The following FBXW4 variants were observed in gnomAD, a reference collection of about 807,000 sequenced individuals.
FBXW4 encodes the protein F-box/WD repeat-containing protein 4.
In FBXW4, 40 loss-of-function variants were observed where a neutral mutation model predicts 61.8. That is an observed-to-expected ratio of 0.65 (90% CI 0.50 to 0.84). FBXW4 has a LOEUF of 0.84. Among genes scored for constraint, FBXW4 ranks in the 40% least tolerant of loss-of-function variants. The pLI is 0.00. For missense variants in FBXW4, 672 were observed against 753.8 expected (o/e 0.89, Z 1.27); for synonymous variants, 311 against 313.8 (o/e 0.99, Z 0.10).
At chr10:101,656,819 A>G (rs997705856) in intron 5 of FBXW4, among the ~76,000 whole-genome samples, 2 of 152,152 alleles carry the variant, frequency 1.3e-5, no homozygotes, top group African/African-American at 2.4e-5. Flanking sequence ...TTAATATCCT[A>G]TAAGGTTCTC....
chr10:101,629,344 G>T (rs1005580272), intron 5 of FBXW4, among the ~76,000 whole-genome samples: 36 of 151,820 alleles, frequency 2.4e-4, no homozygotes, highest in African/African-American at 8.2e-4. Context: ...GAGTGCAGTG[G>T]TGCAATCTCA....
intron 5 of FBXW4, 63 bp downstream of exon 5, chr10:101,667,823 G>T: frequency 7.2e-7 from 1 of 1,382,598 alleles, no homozygotes; most frequent in Non-Finnish European, 1.0e-6. Context: ...TAGCTCACCT[G>T]ATCTAGTAAA....
In FBXW4 at chr10:101,694,228, G is replaced by A. The variant is rs377352364; in HGVS notation, c.725+153C>T. Among the ~76,000 whole-genome samples the A allele has an allele frequency of 1.2e-4, 19 of 152,316 alleles. No individual in the cohort carries two copies. Among genetic ancestry groups the A allele is most frequent in the Non-Finnish European group, 2.2e-4 (15 of 68,012 alleles). ...AGGAGGGGCAAAGGGGTCCCCGAGA[G>A]TGCTCGGGAAAGGGTGTAGGCGGAG... On this transcript the variant is annotated intron_variant, in intron 1 of 8. Transcript: ENST00000331272. The surrounding 1 kb of genome is among the most constrained non-coding windows in gnomAD (Gnocchi z 6.0).
At chr10:101,667,620 C>G (rs2064317891) in intron 5 of FBXW4, among the ~76,000 whole-genome samples, 1 of 152,144 alleles carries the variant, frequency 6.6e-6, no homozygotes, top group Non-Finnish European at 1.5e-5. Flanking sequence ...CAGCTGGACT[C>G]TTAGTTATAT....
At chr10:101,691,250 G>A (rs1417106834) in intron 1 of FBXW4, among the ~76,000 whole-genome samples, 2 of 152,258 alleles carry the variant, frequency 1.3e-5, no homozygotes, top group South Asian at 2.1e-4. Context: ...GTGGACTGGG[G>A]TGCATGCCTT....
At chr10:101,615,329 C>T (rs556737249) in intron 6 of FBXW4, among the ~76,000 whole-genome samples, 2 of 152,122 alleles carry the variant, frequency 1.3e-5, no homozygotes, top group African/African-American at 2.4e-5. Context: ...TTCCAACTCC[C>T]GTGGACAAAG....
At chr10:101,651,070 T>C (rs2064141645) in intron 5 of FBXW4, among the ~76,000 whole-genome samples, 1 of 152,180 alleles carries the variant, frequency 6.6e-6, no homozygotes, top group African/African-American at 2.4e-5. Flanking sequence ...GGACCATTAA[T>C]GCATGCGCCT....
intron 5 of FBXW4, among the ~76,000 whole-genome samples, chr10:101,656,300 C>G (rs1388264187): frequency 6.6e-6 from 1 of 152,102 alleles, no homozygotes; most frequent in Non-Finnish European, 1.5e-5. Context: ...GCCAGTATCC[C>G]CAAAGCATCC....
intron 5 of FBXW4, among the ~76,000 whole-genome samples, chr10:101,645,018 T>C (rs2064084219): frequency 6.6e-6 from 1 of 152,166 alleles, no homozygotes; most frequent in African/African-American, 2.4e-5. Context: ...TTGCTCGGCA[T>C]TGAGATCTAG....
At chr10:101,683,582 T>C (rs182999397) in intron 1 of FBXW4, among the ~76,000 whole-genome samples, 21 of 151,994 alleles carry the variant, frequency 1.4e-4, no homozygotes, top group African/African-American at 4.1e-4. Flanking sequence ...TCATTTCCCC[T>C]CTCCTTGCTC....
chr10:101,668,171 G>C (rs2064324893), intron 4 of FBXW4, among the ~76,000 whole-genome samples, 191 bp from the exon 5 acceptor site: 1 of 152,208 alleles, frequency 6.6e-6, no homozygotes, highest in African/African-American at 2.4e-5. Flanking sequence ...ATAGGCCCTA[G>C]CTCTCCATCC....
chr10:101,640,177 G>A (rs897231045), intron 5 of FBXW4, among the ~76,000 whole-genome samples: 1 of 152,194 alleles, frequency 6.6e-6, no homozygotes, highest in African/African-American at 2.4e-5. Context: ...ACTTCAGAAA[G>A]GAGATGAGGT....
chr10:101,667,007 G>A (rs372245303), intron 5 of FBXW4, among the ~76,000 whole-genome samples: 4 of 151,912 alleles, frequency 2.6e-5, no homozygotes, highest in East Asian at 1.9e-4. Flanking sequence ...CGAGGCAGGC[G>A]GATCACGAGG....
rs572854136 is a variant in FBXW4, at chr10:101,694,425, G to T, written c.681C>A (p.Ala227=). Residue 227 remains alanine, a synonymous_variant, in exon 1 of 9, where the codon GCC becomes GCA. Coordinates refer to ENST00000331272, the MANE Select transcript of FBXW4 (RefSeq NM_022039.4). The surrounding 1 kb of genome is among the most constrained non-coding windows in gnomAD (Gnocchi z 6.0). ...TGAAGCCGGAGTTGAGCGAGGCCCG[G>T]GCTATCCGGCGCCAGAGCAGATCGC... ...TSCDLLWRRI[A]RASLNSGFTR... is the part of the protein sequence containing the mutation. 14 of 1,526,464 alleles carry T rather than the reference G, an allele frequency of 9.2e-6. No individual in the cohort carries two copies. In the East Asian group the frequency reaches 3.8e-4, roughly 41 times the overall value. The allele number at this position is 1,526,464 out of a possible 1,614,324, so 94.6% of individuals were successfully genotyped here. A position where few individuals can be genotyped will look rare whatever the true frequency, so the allele number is the denominator to read the frequency against.
At chr10:101,688,187 GA>G (rs2064553175) in intron 1 of FBXW4, among the ~76,000 whole-genome samples, 1 of 152,232 alleles carries the variant, frequency 6.6e-6, no homozygotes, top group East Asian at 1.9e-4. Flanking sequence ...ACAAGGAATG[GA>G]AAGTCAACAG....
chr10:101,618,048 G>C (rs1463701160), intron 6 of FBXW4, among the ~76,000 whole-genome samples: 1 of 152,254 alleles, frequency 6.6e-6, no homozygotes, highest in Non-Finnish European at 1.5e-5. Flanking sequence ...ACCTGGGCAG[G>C]ATGGGCACTA....
intron 5 of FBXW4, among the ~76,000 whole-genome samples, chr10:101,635,551 G>C (rs1391149771): frequency 6.6e-6 from 1 of 152,084 alleles, no homozygotes; most frequent in Non-Finnish European, 1.5e-5. Flanking sequence ...GAGGTGATGG[G>C]AGGCCAGAAG....
At chr10:101,670,002 G>C (rs565992029) in intron 4 of FBXW4, among the ~76,000 whole-genome samples, 1 of 151,950 alleles carries the variant, frequency 6.6e-6, no homozygotes. Flanking sequence ...TGATCCACCC[G>C]CCTCAGCCTC....
At chr10:101,622,515 C>G (rs1051621470) in intron 6 of FBXW4, among the ~76,000 whole-genome samples, 19 of 151,850 alleles carry the variant, frequency 1.3e-4, no homozygotes, top group African/African-American at 4.4e-4. Flanking sequence ...ATCACGAGGT[C>G]AGGAGATCGA....
Sources: allele counts gnomAD v4.1 joint callset (sites outside exome capture counted in the v4.1 genomes callset), GRCh38; gene constraint gnomAD v4.1.1; non-coding constraint Gnocchi (gnomAD v3.1); transcripts MANE v1.5; gene names NCBI Gene and HGNC (gene_info 2026-07-23, HGNC 2026-07-21).